Variants in RORA observed in about 807,000 individuals in gnomAD.
RORA encodes the protein RAR related orphan receptor A, also known as nuclear receptor ROR-alpha.
Under a neutral mutation model 69.5 loss-of-function variants are expected in RORA, and 7 were observed. That is an observed-to-expected ratio of 0.10 (90% CI 0.06 to 0.19). The LOEUF (loss-of-function observed/expected upper bound fraction) is 0.19. Ranked by LOEUF, RORA falls within the 10% of genes least tolerant of loss-of-function variation. The pLI is 1.00. For synonymous variants in RORA, 261 were observed against 240.8 expected (o/e 1.08, Z -0.78); for missense variants, 457 against 663.0 (o/e 0.69, Z 3.41).
chr15:60,993,653 A>C (rs1420697848), intron 1 of RORA, among the ~76,000 whole-genome samples: 3 of 151,060 alleles, frequency 2.0e-5, no homozygotes, highest in Non-Finnish European at 4.4e-5. Context: ...TCAAAAAAAA[A>C]AAAAAAAAAA....
intron 1 of RORA, among the ~76,000 whole-genome samples, chr15:60,977,264 G>A (rs183683744): frequency 1.2e-4 from 18 of 152,182 alleles, no homozygotes; most frequent in African/African-American, 3.6e-4. Context: ...GCAATTCAGT[G>A]TTATAAGATT....
At chr15:61,187,008 C>T (rs1349323088) in intron 1 of RORA, among the ~76,000 whole-genome samples, 1 of 152,252 alleles carries the variant, frequency 6.6e-6, no homozygotes, top group Admixed American at 6.5e-5. Context: ...TACTTATCTG[C>T]TCTCTCTGAA....
chr15:61,208,172 T>C (rs2079959057), intron 1 of RORA, among the ~76,000 whole-genome samples: 1 of 152,210 alleles, frequency 6.6e-6, no homozygotes. Context: ...AGTTGATGAA[T>C]GAATAAACAA....
At chr15:61,185,067 T>C (rs1002031679) in intron 1 of RORA, among the ~76,000 whole-genome samples, 8 of 150,902 alleles carry the variant, frequency 5.3e-5, no homozygotes, top group Admixed American at 1.3e-4. Context: ...ACCCAAGAAC[T>C]TATCAAGGTG....
intron 1 of RORA, among the ~76,000 whole-genome samples, chr15:60,827,179 C>T (rs935392168): frequency 6.6e-6 from 1 of 152,214 alleles, no homozygotes; most frequent in Non-Finnish European, 1.5e-5. Flanking sequence ...CCCTCCATTA[C>T]AGCTATGGGG....
At chr15:61,132,313 T>C (rs557328407) in intron 1 of RORA, among the ~76,000 whole-genome samples, 6 of 152,294 alleles carry the variant, frequency 3.9e-5, no homozygotes, top group Non-Finnish European at 5.9e-5. Context: ...GTTTGAATGA[T>C]TGATAAACCA....
At chr15:60,624,497 T>TA (rs2069513435) in intron 2 of RORA, among the ~76,000 whole-genome samples, 12 of 120,730 alleles carry the variant, frequency 9.9e-5, no homozygotes, top group African/African-American at 1.7e-4. Flanking sequence ...TATATATATA[T>TA]TTGCTGTATG....
At chr15:61,175,932 A>G (rs1296096644) in intron 1 of RORA, 1 of 152,182 alleles carries the variant, frequency 6.6e-6, no homozygotes, top group Non-Finnish European at 1.5e-5. Flanking sequence ...ACACAATGAA[A>G]AAAACCTCTC....
chr15:60,579,064 GTTTTT>G (rs869076097), intron 2 of RORA, among the ~76,000 whole-genome samples: 3 of 129,672 alleles, frequency 2.3e-5, no homozygotes, highest in Admixed American at 1.5e-4. Context: ...ACCGCGCCCG[GTTTTT>G]TTTTTTTTTT....
At chr15:60,749,014 C>T (rs548626695) in intron 1 of RORA, among the ~76,000 whole-genome samples, 80 of 152,130 alleles carry the variant, frequency 5.3e-4, no homozygotes, top group Non-Finnish European at 8.4e-4. Flanking sequence ...AGAATCACCC[C>T]GGGAGCTTGT....
chr15:61,206,035 T>G (rs2079938065), intron 1 of RORA, among the ~76,000 whole-genome samples: 1 of 152,194 alleles, frequency 6.6e-6, no homozygotes, highest in Admixed American at 6.5e-5. Context: ...GTGAGAATTT[T>G]AAGGACTGAG....
In RORA at chr15:60,870,440, C is replaced by T. The variant is rs567400804; in HGVS notation, c.167-191754G>A. Among the ~76,000 whole-genome samples the T allele has an allele frequency of 3.3e-5, 5 of 152,222 alleles. No homozygotes were observed. The South Asian group carries it at 8.3e-4, about 25-fold the overall frequency. On this transcript the variant is annotated intron_variant, in intron 1 of 10. Coordinates refer to ENST00000335670, the MANE Select transcript of RORA (RefSeq NM_134261.3). ...ACCAGGTTGTACGGAAGAAGCAGTTCATATGTTGGTCCTTAATGGATAAAA... is the reference window on the plus strand; with the variant it reads ...ACCAGGTTGTACGGAAGAAGCAGTTTATATGTTGGTCCTTAATGGATAAAA...
chr15:61,118,417 T>C (rs968945377), intron 1 of RORA, among the ~76,000 whole-genome samples: 3 of 152,200 alleles, frequency 2.0e-5, no homozygotes, highest in African/African-American at 7.2e-5. Flanking sequence ...GAGTGAGTTC[T>C]TTTGCATCTC....
At chr15:60,917,731 T>C (rs1891921146) in intron 1 of RORA, among the ~76,000 whole-genome samples, 1 of 152,226 alleles carries the variant, frequency 6.6e-6, no homozygotes, top group Non-Finnish European at 1.5e-5. Flanking sequence ...ATATAATCTC[T>C]CAGGAGTTAA....
At chr15:60,740,995 A>G (rs191601140) in intron 1 of RORA, among the ~76,000 whole-genome samples, 2 of 152,358 alleles carry the variant, frequency 1.3e-5, no homozygotes, top group Admixed American at 1.3e-4. Flanking sequence ...GTGTTGAAAC[A>G]ATTGCAAAAT....
chr15:61,208,682 G>C (rs916744730), intron 1 of RORA, among the ~76,000 whole-genome samples: 1 of 152,150 alleles, frequency 6.6e-6, no homozygotes, highest in East Asian at 1.9e-4. Flanking sequence ...GTGCCTCTCT[G>C]TACTAAGGAG....
At chr15:60,957,868 T>C (rs1893313671) in intron 1 of RORA, among the ~76,000 whole-genome samples, 1 of 152,226 alleles carries the variant, frequency 6.6e-6, no homozygotes, top group Non-Finnish European at 1.5e-5. Context: ...TCATATTATG[T>C]CCCGTACTTT....
intron 1 of RORA, among the ~76,000 whole-genome samples, chr15:61,065,292 T>C (rs1659247072): frequency 6.6e-6 from 1 of 152,224 alleles, no homozygotes; most frequent in Admixed American, 6.5e-5. Context: ...GCCATATCTG[T>C]ATCATCTTTA....
chr15:61,137,082 A>AGAAAGAAAGAAAGAAAGAAAGAAAGAAG, intron 1 of RORA, among the ~76,000 whole-genome samples: 1 of 149,490 alleles, frequency 6.7e-6, no homozygotes, highest in East Asian at 2.0e-4. Flanking sequence ...AAAGAAAGAA[A>AGAAAGAAAGAAAGAAAGAAAGAAAGAAG]GAAAGAAAGA....
Sources: gnomAD v4.1 joint callset for allele counts (sites outside exome capture counted in the v4.1 genomes callset) on GRCh38, gnomAD v4.1.1 for gene constraint, MANE v1.5 for transcripts, NCBI Gene and HGNC (gene_info 2026-07-23, HGNC 2026-07-21) for gene names.